Variants in MAPK4 observed in about 807,000 individuals in gnomAD.
MAPK4 encodes Erk3-related.
MAPK4 carries 22 observed loss-of-function variants against 47.7 expected under a neutral mutation model. The ratio of observed to expected loss-of-function variants is 0.46; its 90% CI spans 0.33 to 0.66. The LOEUF (loss-of-function observed/expected upper bound fraction) is 0.66. Among genes scored for constraint, MAPK4 ranks in the 30% least tolerant of loss-of-function variants. The pLI is 0.02. For synonymous variants in MAPK4, 390 were observed against 365.7 expected, an observed-to-expected ratio of 1.07 and a Z score of -0.76; for missense variants, 736 against 831.7, an observed-to-expected ratio of 0.88 and a Z score of 1.42.
chr18:50,717,111 T>C (rs1419175240), intron 3 of MAPK4, among the ~76,000 whole-genome samples: 1 of 152,142 alleles, frequency 6.6e-6, no homozygotes, highest in Non-Finnish European at 1.5e-5. Context: ...GACTCACTTA[T>C]CTACTATCCT....
intron 1 of MAPK4, among the ~76,000 whole-genome samples, chr18:50,571,035 A>G (rs1004194789): frequency 6.6e-6 from 1 of 152,140 alleles, no homozygotes. Context: ...CCAGGGAACC[A>G]TAGCCTCCTC....
In MAPK4 at chr18:50,708,295, G is replaced by A. The variant is rs187902847; in HGVS notation, c.547-6784G>A. Among the ~76,000 whole-genome samples, 208 of 152,328 alleles carry A rather than the reference G, an allele frequency of 1.4e-3. 2 individuals are homozygous for A. The highest frequency in any genetic ancestry group is 3.8e-4 in the Non-Finnish European group (26 of 68,024). ...ATATGTCTGCTTCAGCGGGACCTCT[G>A]GGAGGATGTTGTTCTTCTAAATGAT... On this transcript the variant is annotated intron_variant, in intron 2 of 5. Transcript: ENST00000400384.
intron 1 of MAPK4, among the ~76,000 whole-genome samples, chr18:50,623,001 T>C (rs1452824234): frequency 6.6e-6 from 1 of 152,230 alleles, no homozygotes; most frequent in African/African-American, 2.4e-5. Flanking sequence ...GATAACTATC[T>C]CCTGTGTACA....
At chr18:50,704,514 CTCTTA>C (rs1909950090) in intron 2 of MAPK4, 1 of 398,602 alleles carries the variant, frequency 2.5e-6, no homozygotes, top group Non-Finnish European at 4.4e-6. Flanking sequence ...GTGTGTCTCT[CTCTTA>C]TTTCTCCTAG....
intron 1 of MAPK4, among the ~76,000 whole-genome samples, chr18:50,625,085 G>A (rs2042764972): frequency 6.6e-6 from 1 of 152,200 alleles, no homozygotes; most frequent in African/African-American, 2.4e-5. Flanking sequence ...TTGATGACTG[G>A]CACTTGCTCC....
chr18:50,564,354 G>A (rs941441577), intron 1 of MAPK4, among the ~76,000 whole-genome samples: 2 of 152,212 alleles, frequency 1.3e-5, no homozygotes, highest in African/African-American at 4.8e-5. Flanking sequence ...ATTACAGGGT[G>A]CTTAACAGCA....
intron 1 of MAPK4, among the ~76,000 whole-genome samples, chr18:50,610,774 C>T (rs570602044): frequency 3.9e-5 from 6 of 152,334 alleles, no homozygotes; most frequent in Non-Finnish European, 1.5e-5. Context: ...CATTTACCCC[C>T]TCTCCTGGGC....
intron 2 of MAPK4, chr18:50,705,103 G>T: frequency 4.1e-6 from 1 of 244,820 alleles, no homozygotes; most frequent in Non-Finnish European, 7.8e-6. Flanking sequence ...TACCCCACAC[G>T]GCAGAGGGCT....
chr18:50,596,828 A>C (rs1039115754), intron 1 of MAPK4, among the ~76,000 whole-genome samples: 4 of 152,190 alleles, frequency 2.6e-5, no homozygotes, highest in African/African-American at 4.8e-5. Flanking sequence ...ACCAAACAAA[A>C]CTTCACACAG....
At chr18:50,699,873 C>T (rs1173535349) in intron 2 of MAPK4, among the ~76,000 whole-genome samples, 2 of 152,074 alleles carry the variant, frequency 1.3e-5, no homozygotes, top group African/African-American at 4.8e-5. Context: ...AAAGAAGAGA[C>T]CTAGAGGATG....
rs146496996 is a variant in MAPK4, at chr18:50,731,763, A to G, written c.*1909A>G. 6 of 152,350 alleles carry G rather than the reference A, an allele frequency of 3.9e-5. No homozygotes were observed. The highest frequency in any genetic ancestry group is 1.4e-4 in the African/African-American group (6 of 41,580). The allele number at this position is 152,350 out of a possible 1,614,324, so 9.4% of individuals were successfully genotyped here. Reference sequence around the variant, plus strand: ...TGTTATAACTACTAATGTTTTTAAAAAATTTATTAAACATTATTAAACTTG... The same window carrying G: ...TGTTATAACTACTAATGTTTTTAAAGAATTTATTAAACATTATTAAACTTG... On this transcript the variant is annotated 3_prime_UTR_variant, in exon 6 of 6. Transcript: ENST00000400384.
intron 1 of MAPK4, among the ~76,000 whole-genome samples, chr18:50,613,038 C>T (rs556621311): frequency 9.2e-5 from 14 of 152,062 alleles, no homozygotes; most frequent in Non-Finnish European, 2.1e-4. Flanking sequence ...TTTTTTTCAT[C>T]CTTACAGGAC....
At chr18:50,619,819 TG>T (rs745881677) in intron 1 of MAPK4, among the ~76,000 whole-genome samples, 1 of 152,244 alleles carries the variant, frequency 6.6e-6, no homozygotes, top group Non-Finnish European at 1.5e-5. Context: ...TAAGCCAAAT[TG>T]ACTGATGTTT....
chr18:50,596,127 C>T (rs2042479565), intron 1 of MAPK4, among the ~76,000 whole-genome samples: 1 of 152,170 alleles, frequency 6.6e-6, no homozygotes, highest in Non-Finnish European at 1.5e-5. Context: ...TTCACCCATT[C>T]AATTCTCACA....
At chr18:50,707,821 C>A (rs1010902260) in intron 2 of MAPK4, among the ~76,000 whole-genome samples, 1 of 152,086 alleles carries the variant, frequency 6.6e-6, no homozygotes, top group Non-Finnish European at 1.5e-5. Context: ...TTTATATGAG[C>A]TTTTGGTTGA....
chr18:50,652,692 CATG>C (rs1341163570), intron 1 of MAPK4, among the ~76,000 whole-genome samples: 1 of 152,126 alleles, frequency 6.6e-6, no homozygotes, highest in African/African-American at 2.4e-5. Flanking sequence ...GAGCGATGCA[CATG>C]ATGAGTTCCT....
At chr18:50,649,067 A>G (rs2043020080) in intron 1 of MAPK4, among the ~76,000 whole-genome samples, 1 of 152,236 alleles carries the variant, frequency 6.6e-6, no homozygotes, top group Non-Finnish European at 1.5e-5. Context: ...ATGTGAGAGA[A>G]ACACTTGCCT....
At chr18:50,662,673 C>T (rs572168266) in intron 1 of MAPK4, among the ~76,000 whole-genome samples, 9 of 152,344 alleles carry the variant, frequency 5.9e-5, no homozygotes, top group South Asian at 2.1e-4. Context: ...TGCAAAAACA[C>T]GAGTATCGAT....
chr18:50,681,495 C>G (rs1466180677), intron 2 of MAPK4, among the ~76,000 whole-genome samples: 1 of 152,124 alleles, frequency 6.6e-6, no homozygotes, highest in Non-Finnish European at 1.5e-5. Flanking sequence ...AAACCACTGT[C>G]TAATCCAAGG....
Sources: allele counts gnomAD v4.1 joint callset (sites outside exome capture counted in the v4.1 genomes callset), GRCh38; gene constraint gnomAD v4.1.1; transcripts MANE v1.5; gene names NCBI Gene and HGNC (gene_info 2026-07-23, HGNC 2026-07-21).